ELK3: variants seen among roughly 807,000 people sequenced by gnomAD.
ELK3 encodes ETS transcription factor ELK3.
Under a neutral mutation model 28.9 loss-of-function variants are expected in ELK3, and 10 were observed. That is an observed-to-expected ratio of 0.35 (90% CI 0.21 to 0.59). ELK3 has a LOEUF of 0.59. Among genes scored for constraint, ELK3 ranks in the 20% least tolerant of loss-of-function variants. The pLI is 0.82. For synonymous variants in ELK3, 272 were observed against 243.5 expected, an observed-to-expected ratio of 1.12 and a Z score of -1.09; for missense variants, 463 against 517.3, an observed-to-expected ratio of 0.90 and a Z score of 1.02.
At chr12:96,253,787 C>T (rs1284081641) in intron 3 of ELK3, among the ~76,000 whole-genome samples, 3 of 152,210 alleles carry the variant, frequency 2.0e-5, no homozygotes, top group African/African-American at 7.2e-5. Flanking sequence ...TTTAATCAGT[C>T]CAGTAACAAA....
chr12:96,265,944 T>C (rs1952026645), intron 4 of ELK3, among the ~76,000 whole-genome samples: 1 of 152,220 alleles, frequency 6.6e-6, no homozygotes, highest in Non-Finnish European at 1.5e-5. Context: ...CCCTAACTCC[T>C]ACCAAAATAA....
intron 1 of ELK3, among the ~76,000 whole-genome samples, chr12:96,210,637 C>T (rs1018364602): frequency 3.2e-4 from 49 of 151,924 alleles, no homozygotes; most frequent in African/African-American, 1.1e-3. Flanking sequence ...TTCCAGAACA[C>T]GCAGCTTCTC....
At position 96,247,391 on chromosome 12, in the gene ELK3, C is replaced by A; in HGVS notation, c.659C>A (p.Ala220Asp). 6.2e-7 allele frequency: 1 copy of A among 1,614,164 alleles called. No individual in the cohort carries two copies. The part of the protein sequence containing the change: ...ASAFLASSVS[A>D]KISSLMLPNA... ...GCCTTCCTGGCCTCGTCCGTCTCGG[C>A]CAAGATCTCCTCTTTAATGTTGCCA... Residue 220 changes from alanine to aspartate, a missense_variant, in exon 3 of 5, where the codon GCC becomes GAC. Around this residue, in one of 2 missense-constraint regions of ELK3, gnomAD observed 408 missense variants for 414.8 expected, o/e 0.98. Transcript: ENST00000228741. The surrounding 1 kb of genome is among the most constrained non-coding windows in gnomAD (Gnocchi z 5.5).
At position 96,200,734 on chromosome 12, in the gene ELK3, C is replaced by T. The variant is rs189416764; in HGVS notation, c.-3+6029C>T. On this transcript the variant is annotated intron_variant, in intron 1 of 4. Coordinates refer to ENST00000228741, the MANE Select transcript of ELK3 (RefSeq NM_005230.4). ...CTGGAGTGCAGTGGTGCAAGCTTGG[C>T]GCACTGCAACCTCCGCCTCCTGTGT... Among the ~76,000 whole-genome samples the T allele has an allele frequency of 5.3e-4, 80 of 152,328 alleles. 1 individual carries two copies. The highest frequency in any genetic ancestry group is 1.0e-3 in the Non-Finnish European group (69 of 68,032).
chr12:96,243,452 A>G (rs543618019), intron 2 of ELK3, among the ~76,000 whole-genome samples: 2 of 152,306 alleles, frequency 1.3e-5, no homozygotes, highest in African/African-American at 4.8e-5. Flanking sequence ...ATTCTATTCT[A>G]TGGCTCATGC....
At chr12:96,199,391 C>A (rs900761965) in intron 1 of ELK3, among the ~76,000 whole-genome samples, 1 of 152,010 alleles carries the variant, frequency 6.6e-6, no homozygotes, top group African/African-American at 2.4e-5. Flanking sequence ...GAATTGAGGT[C>A]ATTCAGCCTT....
At chr12:96,215,838 TGCCCAG>T (rs1431137104) in intron 1 of ELK3, among the ~76,000 whole-genome samples, 9 of 151,976 alleles carry the variant, frequency 5.9e-5, no homozygotes, top group Non-Finnish European at 1.0e-4. Flanking sequence ...GTCTTACTCT[TGCCCAG>T]GCTGGTCTCG....
At chr12:96,202,077 C>T (rs1951511026) in intron 1 of ELK3, among the ~76,000 whole-genome samples, 1 of 152,114 alleles carries the variant, frequency 6.6e-6, no homozygotes, top group Non-Finnish European at 1.5e-5. Context: ...TGCTGTCTGC[C>T]CCCACTGCTG....
At chr12:96,215,333 C>G (rs1292469985) in intron 1 of ELK3, among the ~76,000 whole-genome samples, 1 of 152,128 alleles carries the variant, frequency 6.6e-6, no homozygotes, top group Non-Finnish European at 1.5e-5. Context: ...GGGGTCTGTG[C>G]GGCCCTTGCT....
intron 4 of ELK3, among the ~76,000 whole-genome samples, chr12:96,265,431 A>G (rs1045440894): frequency 3.3e-5 from 5 of 152,228 alleles, no homozygotes; most frequent in Non-Finnish European, 5.9e-5. Flanking sequence ...GACATCTGCA[A>G]TCCCAGCACT....
At chr12:96,236,318 A>T (rs1448375034) in intron 2 of ELK3, among the ~76,000 whole-genome samples, 1 of 152,182 alleles carries the variant, frequency 6.6e-6, no homozygotes, top group Non-Finnish European at 1.5e-5. Context: ...CTGCCAGGCC[A>T]GCAAGCCAGC....
intron 1 of ELK3, among the ~76,000 whole-genome samples, chr12:96,216,133 C>T (rs902709341): frequency 6.6e-6 from 1 of 152,294 alleles, no homozygotes; most frequent in South Asian, 2.1e-4. Context: ...CCATCTGCAG[C>T]GGCTATGAGC....
intron 1 of ELK3, among the ~76,000 whole-genome samples, chr12:96,211,138 T>C (rs1242044401): frequency 6.6e-6 from 1 of 152,132 alleles, no homozygotes; most frequent in Non-Finnish European, 1.5e-5. Flanking sequence ...TATAAAGCAC[T>C]CAGCACAATT....
At chr12:96,253,098 TA>T (rs1332853537) in intron 3 of ELK3, among the ~76,000 whole-genome samples, 1 of 152,134 alleles carries the variant, frequency 6.6e-6, no homozygotes, top group African/African-American at 2.4e-5. Flanking sequence ...CCGTCTCTAC[TA>T]AAAGTACAAA....
intron 3 of ELK3, among the ~76,000 whole-genome samples, chr12:96,251,720 C>T (rs1951908307): frequency 6.6e-6 from 1 of 152,196 alleles, no homozygotes. Context: ...TTCAGGCTAA[C>T]CCAGAGCAAG....
At chr12:96,253,536 TCA>T (rs2137037695) in intron 3 of ELK3, among the ~76,000 whole-genome samples, 1 of 152,334 alleles carries the variant, frequency 6.6e-6, no homozygotes, top group Non-Finnish European at 1.5e-5. Context: ...TCACTTGAAT[TCA>T]GACAACTTTA....
chr12:96,267,004 T>C lies in ELK3; in HGVS notation c.1126-78T>C, dbSNP rs577599126. ...ATGAGAGAAATGGACTGCTATGGAC[T>C]GTATGGGAATGTAAAGAACCTAAGT... On this transcript the variant is annotated intron_variant, in intron 4 of 4. Coordinates refer to ENST00000228741, the MANE Select transcript of ELK3 (RefSeq NM_005230.4). The C allele has an allele frequency of 3.9e-5, 47 of 1,210,450 alleles. No individual in the cohort carries two copies. The South Asian group carries it at 5.8e-4, about 15-fold the overall frequency. 75.0% of individuals were successfully genotyped at this position (1,210,450 alleles called of 1,614,324 possible).
chr12:96,249,139 C>T (rs1388223270), intron 3 of ELK3, among the ~76,000 whole-genome samples: 1 of 152,180 alleles, frequency 6.6e-6, no homozygotes, highest in African/African-American at 2.4e-5. Flanking sequence ...TAAAGTAGTT[C>T]GTCCAGGGTC....
chr12:96,211,647 G>T (rs1003667948), intron 1 of ELK3, among the ~76,000 whole-genome samples: 4 of 152,078 alleles, frequency 2.6e-5, no homozygotes, highest in African/African-American at 9.7e-5. Flanking sequence ...GTGATATTAT[G>T]AAACAATTTG....
Sources: gnomAD v4.1 joint callset for allele counts (sites outside exome capture counted in the v4.1 genomes callset) on GRCh38, gnomAD v4.1.1 for gene constraint, gnomAD v4.1.1 regional missense constraint, Gnocchi (gnomAD v3.1) non-coding constraint, MANE v1.5 for transcripts, NCBI Gene and HGNC (gene_info 2026-07-23, HGNC 2026-07-21) for gene names.